TP53BP2: variants seen among roughly 807,000 people sequenced by gnomAD.
TP53BP2 encodes the protein apoptosis-stimulating of p53 protein 2.
TP53BP2 carries 62 observed loss-of-function variants against 126.2 expected under a neutral mutation model. That is an observed-to-expected ratio of 0.49 (90% CI 0.40 to 0.61). The LOEUF is 0.61. Ranked by LOEUF, TP53BP2 falls within the 20% of genes least tolerant of loss-of-function variation. The probability of loss-of-function intolerance (pLI) is 0.00; values close to 1 mark genes in which losing one functional copy is unlikely to be tolerated. For synonymous variants in TP53BP2, 485 were observed against 502.9 expected (o/e 0.96, Z 0.48); for missense variants, 1,215 against 1,402.8 (o/e 0.87, Z 2.14).
At chr1:223,790,520 G>A (rs1317307417) in intron 15 of TP53BP2, among the ~76,000 whole-genome samples, 2 of 151,776 alleles carry the variant, frequency 1.3e-5, no homozygotes, top group African/African-American at 4.8e-5. Context: ...TTGTGCCACT[G>A]CACTCCGGCC....
chr1:223,795,689 G>T, intron 13 of TP53BP2, 126 bp downstream of exon 13: 1 of 814,496 alleles, frequency 1.2e-6, no homozygotes, highest in Non-Finnish European at 1.8e-6. Flanking sequence ...ACATTTATAA[G>T]ATCCACTCTG....
rs751874582 is a variant in TP53BP2 at position 223,800,029 on chromosome 1, G to A, written c.1355C>T (p.Pro452Leu). 3.4e-5 allele frequency: 55 copies of A among 1,608,764 alleles called. No individual in the cohort carries two copies. Among genetic ancestry groups the A allele is most frequent in the South Asian group, 5.6e-5 (5 of 90,036 alleles). The change falls in exon 11 of 18, where the codon CCG (proline) becomes CTG (leucine). Residue 452 changes from proline (P) to leucine (L), a missense_variant. By Grantham distance (98) the Pro-to-Leu change is moderately conservative (BLOSUM62 -3). This residue lies in a region of TP53BP2 where 814 missense variants were observed against 853.0 expected (regional missense o/e 0.95). Transcript: ENST00000343537. ...ALDQVDDGEV[P>L]LREKEKKVRP... ...CACTTTCTTCTCTTTCTCCCTCAGC[G>A]GAACCTCTCCATCATCAACTAAAGA...
chr1:223,781,869 A>G lies in TP53BP2; in HGVS notation c.3364-975T>C, dbSNP rs138667177. Among the ~76,000 whole-genome samples, 909 of 150,266 alleles carry G rather than the reference A, an allele frequency of 6.0e-3. 11 individuals carry two copies. The highest frequency in any genetic ancestry group is 0.02 in the African/African-American group (774 of 39,640). ...TAGAGGATACTTCTAACAAGAAAAGATTTTCAAAGTACTAAGAAAATCTAA... is the reference window on the plus strand; with the variant it reads ...TAGAGGATACTTCTAACAAGAAAAGGTTTTCAAAGTACTAAGAAAATCTAA... On this transcript the variant is annotated intron_variant, in intron 17 of 17. Coordinates refer to ENST00000343537, the MANE Select transcript of TP53BP2 (RefSeq NM_001031685.3).
chr1:223,798,480 TAGC>T lies in TP53BP2; in HGVS notation c.1680_1682del (p.Leu561del). 4.3e-6 allele frequency: 7 copies of T among 1,614,212 alleles called. No homozygotes were observed. Among genetic ancestry groups the T allele is most frequent in the Non-Finnish European group, 5.9e-6 (7 of 1,180,026 alleles). ...GGCCAACCGAAGGTATGCTGGGAGA[TAGC>T]AGCACTCTCGGCTGCTGCCCTGCTG... On this transcript the variant is annotated inframe_deletion, in exon 12 of 18. Transcript: ENST00000343537.
At chr1:223,827,927 C>A (rs2102879785) in intron 1 of TP53BP2, among the ~76,000 whole-genome samples, 1 of 152,178 alleles carries the variant, frequency 6.6e-6, no homozygotes, top group South Asian at 2.1e-4. Context: ...TACAAATTTA[C>A]TGTATTACAA....
chr1:223,833,154 C>T (rs1663799577), intron 1 of TP53BP2, among the ~76,000 whole-genome samples: 1 of 152,174 alleles, frequency 6.6e-6, no homozygotes. Flanking sequence ...CACCAATTAC[C>T]ATAAGTTATG....
chr1:223,821,357 G>T lies in TP53BP2; in HGVS notation c.38C>A (p.Thr13Asn). The T allele has an allele frequency of 2.5e-6, 4 of 1,614,020 alleles. No homozygotes were observed. The highest frequency in any genetic ancestry group is 3.4e-6 in the Non-Finnish European group (4 of 1,179,880). The stretch of plus-strand genomic sequence containing the variant: ...CTGCTCATTGTTACTGAGATACACG[G>T]TAAGAAACATCTAAAAATTAAGAGA... ...FGSKMMPMFL[T>N]VYLSNNEQHF... The change falls in exon 2 of 18, where the codon ACC becomes AAC. Residue 13 changes from threonine (T) to asparagine (N), a missense_variant. Physicochemically the swap from Thr to Asn is moderately conservative, Grantham distance 65. This residue lies in a region of TP53BP2 where 814 missense variants were observed against 853.0 expected (regional missense o/e 0.95). Transcript: ENST00000343537.
intron 1 of TP53BP2, among the ~76,000 whole-genome samples, chr1:223,831,478 AAAATATATATATATATAT>A (rs1160620160): frequency 0.065 from 2,839 of 43,598 alleles, 191 homozygotes; most frequent in African/African-American, 0.2. Context: ...AAAAAAAAAA[AAAATATATATATATATAT>A]ATATATATAT....
intron 5 of TP53BP2, among the ~76,000 whole-genome samples, chr1:223,805,785 C>CT (rs1170531825): frequency 1.3e-5 from 2 of 152,242 alleles, no homozygotes; most frequent in African/African-American, 4.8e-5. Flanking sequence ...CCAAATCCAG[C>CT]TTGCTATCTT....
chr1:223,839,516 T>C (rs957733389), intron 1 of TP53BP2, among the ~76,000 whole-genome samples: 2 of 152,268 alleles, frequency 1.3e-5, no homozygotes, highest in African/African-American at 4.8e-5. Flanking sequence ...ACTGGTAATC[T>C]ATAATAGTTT....
At chr1:223,785,770 A>T (rs998796306) in intron 16 of TP53BP2, among the ~76,000 whole-genome samples, 9 of 152,336 alleles carry the variant, frequency 5.9e-5, no homozygotes, top group South Asian at 2.1e-4. Flanking sequence ...TTTTTAAAAA[A>T]TTTTTTGAGG....
At chr1:223,800,539 G>A (rs995970606) in intron 10 of TP53BP2, among the ~76,000 whole-genome samples, 161 bp downstream of exon 10, 5 of 152,062 alleles carry the variant, frequency 3.3e-5, no homozygotes, top group African/African-American at 4.8e-5. Context: ...AGCCATGAGC[G>A]CACCACTGCA....
intron 1 of TP53BP2, among the ~76,000 whole-genome samples, chr1:223,822,492 T>C (rs1406324696): frequency 6.6e-6 from 1 of 151,830 alleles, no homozygotes; most frequent in African/African-American, 2.4e-5. Flanking sequence ...GAAGCAACAC[T>C]CCGTTTCTAC....
intron 1 of TP53BP2, among the ~76,000 whole-genome samples, chr1:223,841,735 T>A (rs1207531561): frequency 6.6e-6 from 1 of 152,044 alleles, no homozygotes; most frequent in African/African-American, 2.4e-5. Context: ...TACTGTAATA[T>A]CCCATTTTTT....
At chr1:223,810,564 T>A in intron 3 of TP53BP2, 51 bp from the exon 4 acceptor site, 1 of 1,256,614 alleles carries the variant, frequency 8.0e-7, no homozygotes, top group South Asian at 1.4e-5. Context: ...TGACAGATAT[T>A]TTAAGAACCA....
At chr1:223,811,271 T>C (rs1469186257) in intron 3 of TP53BP2, among the ~76,000 whole-genome samples, 2 of 152,128 alleles carry the variant, frequency 1.3e-5, no homozygotes, top group Non-Finnish European at 2.9e-5. Context: ...TTTAAAAATA[T>C]ATTAAGCTCA....
intron 1 of TP53BP2, among the ~76,000 whole-genome samples, chr1:223,838,883 C>G (rs1237781605): frequency 6.6e-6 from 1 of 152,094 alleles, no homozygotes; most frequent in Non-Finnish European, 1.5e-5. Flanking sequence ...GAAGAAATAG[C>G]TATTGAGATG....
At chr1:223,839,393 G>A (rs903892486) in intron 1 of TP53BP2, among the ~76,000 whole-genome samples, 4 of 152,280 alleles carry the variant, frequency 2.6e-5, no homozygotes, top group Admixed American at 2.6e-4. Context: ...ATCCCTGGGA[G>A]GGAAGTTAGA....
At chr1:223,781,056 G>A (rs1329692765) in intron 17 of TP53BP2, among the ~76,000 whole-genome samples, 162 bp from the exon 18 acceptor site, 1 of 152,194 alleles carries the variant, frequency 6.6e-6, no homozygotes, top group Non-Finnish European at 1.5e-5. Context: ...TTTACGTTTA[G>A]CAACGTGGTC....
Sources: allele counts gnomAD v4.1 joint callset (sites outside exome capture counted in the v4.1 genomes callset), GRCh38; gene constraint gnomAD v4.1.1; regional missense constraint gnomAD v4.1.1; transcripts MANE v1.5; gene names NCBI Gene and HGNC (gene_info 2026-07-23, HGNC 2026-07-21).